DCUN1D1: variants seen among roughly 807,000 people sequenced by gnomAD.
The protein encoded by DCUN1D1 is defective in cullin neddylation 1 domain containing 1.
Under a neutral mutation model 39.0 loss-of-function variants are expected in DCUN1D1, and 3 were observed. The observed-to-expected ratio is 0.08, with a 90% CI of 0.04 to 0.20. DCUN1D1 has a LOEUF of 0.20. Among genes scored for constraint, DCUN1D1 ranks in the 10% least tolerant of loss-of-function variants. The pLI is 1.00. For missense variants in DCUN1D1, 158 were observed against 302.4 expected (o/e 0.52, Z 3.54); for synonymous variants, 82 against 96.3 (o/e 0.85, Z 0.87).
chr3:182,966,115 GGGGAAGAAGGTGACATGATCAGACGCA>G (rs1727653545), intron 1 of DCUN1D1, among the ~76,000 whole-genome samples: 1 of 151,964 alleles, frequency 6.6e-6, no homozygotes, highest in Non-Finnish European at 1.5e-5. Context: ...AAGCAGACAC[GGGGAAGAAGGTGACATGATCAGACGCA>G]GGGAAGAAGA....
intron 4 of DCUN1D1, among the ~76,000 whole-genome samples, chr3:182,953,222 T>C (rs1726847021): frequency 1.3e-5 from 2 of 152,180 alleles, no homozygotes; most frequent in Admixed American, 1.3e-4. Flanking sequence ...CTTGACTCCA[T>C]GCTCTCAGTG....
chr3:182,971,576 T>TA (rs1166845191), intron 1 of DCUN1D1, among the ~76,000 whole-genome samples: 1,439 of 123,840 alleles, frequency 0.012, 29 homozygotes, highest in African/African-American at 0.036. Context: ...GACCCTATCT[T>TA]AAAAAAAAAA....
chr3:182,977,387 AATC>A (rs1728288269), intron 1 of DCUN1D1, among the ~76,000 whole-genome samples: 1 of 152,238 alleles, frequency 6.6e-6, no homozygotes, highest in Non-Finnish European at 1.5e-5. Context: ...AAACTTTAGA[AATC>A]ATCAAGTCCA....
chr3:182,974,697 A>G (rs1270647664), intron 1 of DCUN1D1, among the ~76,000 whole-genome samples: 1 of 151,958 alleles, frequency 6.6e-6, no homozygotes, highest in Non-Finnish European at 1.5e-5. Context: ...TACTCTAATA[A>G]GGGAATGGGC....
chr3:182,964,041 C>A lies in DCUN1D1; in HGVS notation c.229G>T (p.Asp77Tyr), dbSNP rs1402995089. Residue 77 changes from aspartate to tyrosine, a missense_variant, in exon 3 of 7, where the codon GAT (aspartate) becomes TAT (tyrosine). Asp to Tyr is a radical substitution (Grantham distance 160). Transcript: ENST00000292782. Reference protein sequence around the residue: ...QLYNRYKDPQDENKIGIDGIQ... With the variant: ...QLYNRYKDPQYENKIGIDGIQ... ...CCATCTATTCCAATTTTATTCTCAT[C>A]TTGAGGGTCTTTAAAAATAACAATG... is the stretch of plus-strand genomic sequence containing the variant. 1.4e-5 allele frequency: 23 copies of A among 1,609,758 alleles called. No homozygotes were observed. The highest frequency in any genetic ancestry group is 3.4e-5 in the Admixed American group (2 of 59,314).
At chr3:182,945,268 A>G in intron 6 of DCUN1D1, 95 bp from the exon 7 acceptor site, 1 of 931,488 alleles carries the variant, frequency 1.1e-6, no homozygotes, top group Non-Finnish European at 1.6e-6. Flanking sequence ...AGACTTCCTC[A>G]TAAGCGTTAA....
At chr3:182,948,504 C>T (rs577415116) in intron 4 of DCUN1D1, among the ~76,000 whole-genome samples, 11 of 152,146 alleles carry the variant, frequency 7.2e-5, no homozygotes, top group African/African-American at 2.4e-4. Flanking sequence ...GAGAACTACA[C>T]TTATCACATG....
chr3:182,968,284 T>C (rs1461850846), intron 1 of DCUN1D1, among the ~76,000 whole-genome samples: 2 of 152,194 alleles, frequency 1.3e-5, no homozygotes, highest in Non-Finnish European at 2.9e-5. Context: ...AAGTTGGAAG[T>C]GGCAAAACAA....
chr3:182,948,484 CCACACAACAGAGAACTACACTTAT>C (rs1726532416), intron 4 of DCUN1D1, among the ~76,000 whole-genome samples: 3 of 151,780 alleles, frequency 2.0e-5, no homozygotes, highest in African/African-American at 7.3e-5. Context: ...ACTACGCTTA[CCACACAACAGAGAACTACACTTAT>C]CACATGACAG....
Position 182,943,793 on chromosome 3 carries a change from C to G in DCUN1D1, c.*1301G>C, listed in dbSNP as rs1726257230. 1 of 152,348 alleles carries G rather than the reference C, an allele frequency of 6.6e-6. No homozygotes were observed. The highest frequency in any genetic ancestry group is 1.5e-5 in the Non-Finnish European group (1 of 67,976). 9.4% of individuals were successfully genotyped at this position (152,348 alleles called of 1,614,324 possible). A position where few individuals can be genotyped will look rare whatever the true frequency, so the allele number is the denominator to read the frequency against. On this transcript the variant is annotated 3_prime_UTR_variant, in exon 7 of 7. Transcript: ENST00000292782. ...TTCAGCATAAAAGCAGCTCATGGGG[C>G]TTGTAATGAAAAAAATACATACAAG... is the stretch of plus-strand genomic sequence containing the variant.
At chr3:182,965,325 C>T (rs1426507898) in intron 2 of DCUN1D1, among the ~76,000 whole-genome samples, 1 of 152,096 alleles carries the variant, frequency 6.6e-6, no homozygotes, top group Non-Finnish European at 1.5e-5. Flanking sequence ...TCAACTTGCA[C>T]AATGGGGGAG....
intron 1 of DCUN1D1, among the ~76,000 whole-genome samples, chr3:182,979,277 A>G (rs1366132099): frequency 6.6e-6 from 1 of 152,200 alleles, no homozygotes; most frequent in African/African-American, 2.4e-5. Context: ...TGACAACAAA[A>G]TACTGCCAAG....
intron 1 of DCUN1D1, among the ~76,000 whole-genome samples, chr3:182,974,036 G>A (rs1040494789): frequency 5.9e-5 from 9 of 151,862 alleles, no homozygotes; most frequent in African/African-American, 1.9e-4. Context: ...CGGATCACTT[G>A]AGGTCAGGAG....
intron 4 of DCUN1D1, among the ~76,000 whole-genome samples, chr3:182,954,481 C>T (rs761505826): frequency 1.1e-4 from 17 of 152,250 alleles, no homozygotes; most frequent in Admixed American, 8.5e-4. Flanking sequence ...TTTTGCTGAA[C>T]GAGAGCCTTG....
intron 1 of DCUN1D1, among the ~76,000 whole-genome samples, chr3:182,976,628 C>G (rs548617348): frequency 2.6e-5 from 4 of 152,288 alleles, no homozygotes; most frequent in African/African-American, 9.6e-5. Flanking sequence ...AATGCCCTAG[C>G]ACCCCCAATC....
At chr3:182,982,476 C>G (rs77935330), upstream of DCUN1D1, among the ~76,000 whole-genome samples, 252 of 152,296 alleles carry the variant, frequency 1.7e-3, 1 homozygote, top group African/African-American at 5.9e-3. Flanking sequence ...CCCAAACCCA[C>G]TTTTCCTCCT....
chr3:182,948,438 A>C (rs1224835997), intron 4 of DCUN1D1, among the ~76,000 whole-genome samples: 2 of 152,204 alleles, frequency 1.3e-5, no homozygotes, highest in Non-Finnish European at 2.9e-5. Context: ...TACACTTATC[A>C]CACGACAGAG....
intron 1 of DCUN1D1, chr3:182,980,156 T>TC: frequency 1.2e-5 from 5 of 421,450 alleles, no homozygotes; most frequent in African/African-American, 2.4e-5. Flanking sequence ...CCCCCTCCCC[T>TC]CCCCCCGCCC....
rs1209704797 is a variant in DCUN1D1, at chr3:182,980,525, G to C, written c.-36C>G. On this transcript the variant is annotated 5_prime_UTR_variant, in exon 1 of 7. Coordinates refer to ENST00000292782, the MANE Select transcript of DCUN1D1 (RefSeq NM_020640.4). ...TCCAGGCCTCTCCCCTCCTCCTCCG[G>C]CTCCGCAGCGAATGGACGGCGGCGG... The C allele has an allele frequency of 1.6e-6, 2 of 1,232,922 alleles. No individual in the cohort carries two copies. The highest frequency in any genetic ancestry group is 2.1e-6 in the Non-Finnish European group (2 of 969,682). The allele number at this position is 1,232,922 out of a possible 1,614,324, so 76.4% of individuals were successfully genotyped here.
Sources: gnomAD v4.1 joint callset for allele counts (sites outside exome capture counted in the v4.1 genomes callset) on GRCh38, gnomAD v4.1.1 for gene constraint, MANE v1.5 for transcripts, NCBI Gene and HGNC (gene_info 2026-07-23, HGNC 2026-07-21) for gene names.